Variants in NECAB1 observed in about 807,000 individuals in gnomAD.
NECAB1 encodes N-terminal EF-hand calcium binding protein 1.
NECAB1 carries 29 observed loss-of-function variants against 57.5 expected under a neutral mutation model. The ratio of observed to expected loss-of-function variants is 0.50; its 90% CI spans 0.38 to 0.69. The LOEUF (loss-of-function observed/expected upper bound fraction) is 0.69, where lower values mean the gene tolerates loss of function less well. Among genes scored for constraint, NECAB1 ranks in the 30% least tolerant of loss-of-function variants. The pLI is 0.00. For synonymous variants in NECAB1, 142 were observed against 147.7 expected (o/e 0.96, Z 0.28); for missense variants, 372 against 413.8 (o/e 0.90, Z 0.88).
At chr8:90,860,780 G>C (rs898179083) in intron 3 of NECAB1, among the ~76,000 whole-genome samples, 4 of 152,150 alleles carry the variant, frequency 2.6e-5, no homozygotes, top group Non-Finnish European at 5.9e-5. Context: ...AACACATGCA[G>C]GGCATTGAAG....
At chr8:90,908,461 G>C (rs1809748096) in intron 5 of NECAB1, among the ~76,000 whole-genome samples, 1 of 151,972 alleles carries the variant, frequency 6.6e-6, no homozygotes, top group Admixed American at 6.6e-5. Flanking sequence ...TGAGAAGATG[G>C]CATATAAGAG....
Position 90,881,138 on chromosome 8 carries a change from A to G in NECAB1, c.357+8A>G. 1 of 1,536,700 alleles carries G rather than the reference A, an allele frequency of 6.5e-7. No individual in the cohort carries two copies. The highest frequency in any genetic ancestry group is 1.9e-5 in the Admixed American group (1 of 53,110). ...ATGGGCAAAACAAAGAAAGTAAGAA[A>G]ATGTTAATGTTTATTTTCTATAAAA... On this transcript the variant is annotated splice_region_variant and intron_variant, in intron 5 of 12. Transcript: ENST00000417640.
intron 10 of NECAB1, among the ~76,000 whole-genome samples, chr8:90,949,591 AAAAC>A (rs1190338693): frequency 3.3e-5 from 5 of 152,188 alleles, no homozygotes; most frequent in African/African-American, 4.8e-5. Context: ...GAAAACTAAA[AAAAC>A]AAACAAATAA....
In NECAB1 at chr8:90,826,491, G is replaced by A. The variant is rs535944785; in HGVS notation, c.233+1666G>A. Among the ~76,000 whole-genome samples, 9 of 152,006 alleles carry A rather than the reference G, an allele frequency of 5.9e-5. No individual in the cohort carries two copies. The South Asian group carries it at 1.9e-3, about 31-fold the overall frequency. The stretch of plus-strand genomic sequence containing the variant: ...AAAGAAAGCCATGTTGCACTTTACT[G>A]GGATATGATGCTTTAAAGAATAAAA... On this transcript the variant is annotated intron_variant, in intron 3 of 12. Coordinates refer to ENST00000417640, the MANE Select transcript of NECAB1 (RefSeq NM_022351.5).
chr8:90,921,897 A>G (rs1810123480), intron 6 of NECAB1, among the ~76,000 whole-genome samples: 1 of 152,218 alleles, frequency 6.6e-6, no homozygotes, highest in African/African-American at 2.4e-5. Context: ...TCCTGCAGTA[A>G]TGAGGTAGAC....
chr8:90,852,118 C>T (rs1812695035), intron 3 of NECAB1, among the ~76,000 whole-genome samples: 1 of 152,144 alleles, frequency 6.6e-6, no homozygotes, highest in African/African-American at 2.4e-5. Flanking sequence ...AGCCTCTCCT[C>T]GATATGCTGC....
intron 5 of NECAB1, among the ~76,000 whole-genome samples, chr8:90,882,640 A>C (rs992497437): frequency 5.3e-5 from 8 of 151,978 alleles, no homozygotes; most frequent in African/African-American, 1.9e-4. Flanking sequence ...TTCTCTGACC[A>C]CTCTATCTAA....
intron 5 of NECAB1, among the ~76,000 whole-genome samples, chr8:90,891,581 A>T (rs989397610): frequency 6.6e-6 from 1 of 152,182 alleles, no homozygotes; most frequent in Non-Finnish European, 1.5e-5. Context: ...CATTTTAAAA[A>T]ATGTCATTCT....
At chr8:90,931,005 G>C (rs1295189053) in intron 8 of NECAB1, among the ~76,000 whole-genome samples, 1 of 109,770 alleles carries the variant, frequency 9.1e-6, no homozygotes, top group Admixed American at 9.5e-5. Context: ...TAAAGGAATG[G>C]CTCAAACTTA....
At chr8:90,903,060 A>C (rs1809545734) in intron 5 of NECAB1, among the ~76,000 whole-genome samples, 1 of 152,060 alleles carries the variant, frequency 6.6e-6, no homozygotes, top group Non-Finnish European at 1.5e-5. Context: ...TGACATGGAA[A>C]GATGTATGTA....
intron 3 of NECAB1, among the ~76,000 whole-genome samples, chr8:90,843,830 C>A (rs1296184864): frequency 6.6e-6 from 1 of 152,152 alleles, no homozygotes. Flanking sequence ...ATCCTTGCTT[C>A]TGGCAGAGAA....
intron 5 of NECAB1, among the ~76,000 whole-genome samples, chr8:90,891,235 G>A (rs760064785): frequency 1.3e-5 from 2 of 152,196 alleles, no homozygotes; most frequent in Non-Finnish European, 1.5e-5. Context: ...TAATCATTAA[G>A]TAGCAGAGGT....
At chr8:90,928,385 C>A in intron 8 of NECAB1, 86 bp downstream of exon 8, 1 of 922,272 alleles carries the variant, frequency 1.1e-6, no homozygotes, top group Non-Finnish European at 1.6e-6. Context: ...TCCATGACTG[C>A]CCCATAGATA....
chr8:90,947,303 T>TACACACACACACACAC (rs71771328), intron 10 of NECAB1, among the ~76,000 whole-genome samples: 9 of 78,300 alleles, frequency 1.1e-4, no homozygotes, highest in African/African-American at 2.0e-4. Flanking sequence ...TAACAACACA[T>TACACACACACACACAC]ACACACACAC....
At chr8:90,812,019 GCAAAAATCAGTGTTTCTAC>G (rs749135271) in intron 2 of NECAB1, among the ~76,000 whole-genome samples, 14 of 152,230 alleles carry the variant, frequency 9.2e-5, no homozygotes, top group Non-Finnish European at 1.8e-4. Flanking sequence ...GATCTCTCAA[GCAAAAATCAGTGTTTCTAC>G]CAAAAGAAGA....
At chr8:90,929,834 C>T (rs1810364296) in intron 8 of NECAB1, among the ~76,000 whole-genome samples, 1 of 152,132 alleles carries the variant, frequency 6.6e-6, no homozygotes, top group African/African-American at 2.4e-5. Context: ...AAGGTGATGG[C>T]ATGAGCAAGG....
intron 3 of NECAB1, among the ~76,000 whole-genome samples, chr8:90,853,164 T>C (rs1812718655): frequency 6.6e-6 from 1 of 152,272 alleles, no homozygotes; most frequent in South Asian, 2.1e-4. Flanking sequence ...CTCACCTGCA[T>C]GCTGCCTCCT....
intron 5 of NECAB1, among the ~76,000 whole-genome samples, chr8:90,907,141 TGTGTGTGTGTGAGAGAGA>T (rs1471427227): frequency 5.5e-5 from 7 of 127,028 alleles, no homozygotes; most frequent in African/African-American, 1.2e-4. Context: ...TGTGTGTGTG[TGTGTGTGTGTGAGAGAGA>T]GAGAGAGAGA....
chr8:90,858,481 C>A (rs1441718127), intron 3 of NECAB1, among the ~76,000 whole-genome samples: 1 of 152,086 alleles, frequency 6.6e-6, no homozygotes, highest in African/African-American at 2.4e-5. Flanking sequence ...TGAACTTCTT[C>A]AGCTAAACAC....
Sources: gnomAD v4.1 joint callset for allele counts (sites outside exome capture counted in the v4.1 genomes callset) on GRCh38, gnomAD v4.1.1 for gene constraint, MANE v1.5 for transcripts, NCBI Gene and HGNC (gene_info 2026-07-23, HGNC 2026-07-21) for gene names.